LYSMD4: variants seen among roughly 807,000 people sequenced by gnomAD.
LYSMD4 encodes the protein LysM domain containing 4.
A neutral mutation model predicts 6.1 loss-of-function variants in LYSMD4; 9 were observed. The ratio of observed to expected loss-of-function variants is 1.47; its 90% CI spans 0.88 to 2.56. The LOEUF is 2.56. Among genes scored for constraint, LYSMD4 ranks in the 30% most tolerant of loss-of-function variants. LYSMD4 has a pLI of 0.00. For missense variants in LYSMD4, 384 were observed against 373.5 expected (o/e 1.03, Z -0.23); for synonymous variants, 143 against 148.5 (o/e 0.96, Z 0.27).
At chr15:99,722,266 G>A (rs1291572407), upstream of LYSMD4, among the ~76,000 whole-genome samples, 1 of 152,130 alleles carries the variant, frequency 6.6e-6, no homozygotes, top group Non-Finnish European at 1.5e-5. Context: ...TCTTAAAAAG[G>A]CATCACCACA....
chr15:99,729,420 C>G lies in LYSMD4; in HGVS notation c.594G>C (p.Gln198His). 1 of 1,614,200 alleles carries G rather than the reference C, an allele frequency of 6.2e-7. No individual in the cohort carries two copies. The highest frequency in any genetic ancestry group is 8.5e-7 in the Non-Finnish European group (1 of 1,180,044). The change falls in exon 3 of 3, where the codon CAG (glutamine) becomes CAC (histidine). Residue 198 changes from glutamine (Q) to histidine (H), a missense_variant. Transcript: ENST00000684762. The part of the protein sequence containing the change: ...HESYCMDTSH[Q>H]PLLPAPPKTP... ...TCTTCGGAGGTGCCGGGAGCAGTGG[C>G]TGATGGGAGGTGTCCATGCAGTAAC...
At chr15:99,716,446 C>T in exon 1 of LYSMD4, 1 of 455,010 alleles carries the variant, frequency 2.2e-6, no homozygotes. Flanking sequence ...AACTGTTTGT[C>T]TCCCGCACTC....
chr15:99,729,442 T>A lies in LYSMD4; in HGVS notation c.572A>T (p.Tyr191Phe). 1 of 1,614,222 alleles carries A rather than the reference T, an allele frequency of 6.2e-7. No homozygotes were observed. The highest frequency in any genetic ancestry group is 8.5e-7 in the Non-Finnish European group (1 of 1,180,044). The stretch of plus-strand genomic sequence containing the variant: ...TGGCTGATGGGAGGTGTCCATGCAG[T>A]AACTTTCATGTAGAAAGATTTCTGA... ...VQSEIFLHES[Y>F]CMDTSHQPLL... is the part of the protein sequence containing the mutation. The change falls in exon 3 of 3, where the codon TAC (tyrosine) becomes TTC (phenylalanine). Residue 191 changes from tyrosine (Y) to phenylalanine (F), a missense_variant. Transcript: ENST00000684762.
exon 2 of LYSMD4, chr15:99,716,527 G>GCTGGCTTTGCCACCAGGCAGCCCCTTCCC (rs2059168790): frequency 2.2e-6 from 1 of 456,674 alleles, no homozygotes. Flanking sequence ...GACACAAGGC[G>GCTGGCTTTGCCACCAGGCAGCCCCTTCCC]CTGGCTTTGC....
chr15:99,729,309 A>T lies in LYSMD4; in HGVS notation c.705T>A (p.Phe235Leu), dbSNP rs572309722. Residue 235 changes from phenylalanine (F) to leucine (L), a missense_variant, in exon 3 of 3, where the codon TTT becomes TTA. Physicochemically the swap from Phe to Leu is conservative, Grantham distance 22 (BLOSUM62 0). Transcript: ENST00000684762. ...CTTGTATTTTAAAGTAGACCAAATA[A>T]AAGACAGGCAAGACAATACCAATCA... ...MLLIGIVLPVFYLVYFKIQAS... is the reference protein window; with the variant it reads ...MLLIGIVLPVLYLVYFKIQAS... 3 of 1,614,186 alleles carry T rather than the reference A, an allele frequency of 1.9e-6. No homozygotes were observed. The East Asian group carries it at 6.7e-5, about 36-fold the overall frequency.
chr15:99,731,615 C>G (rs987388246), intron 2 of LYSMD4, 103 bp downstream of exon 2: 1 of 1,522,414 alleles, frequency 6.6e-7, no homozygotes, highest in Non-Finnish European at 8.8e-7. Flanking sequence ...CCTCTCCTGA[C>G]GGCCTGGCAG....
At chr15:99,731,440 G>A in intron 2 of LYSMD4, 1 of 1,606,252 alleles carries the variant, frequency 6.2e-7, no homozygotes, top group Non-Finnish European at 8.5e-7. Flanking sequence ...GAAGAAAAAA[G>A]GTTTCAGAAT....
chr15:99,719,472 G>C (rs901478058), upstream of LYSMD4, among the ~76,000 whole-genome samples: 18 of 152,246 alleles, frequency 1.2e-4, 1 homozygote, highest in East Asian at 3.5e-3. Flanking sequence ...CCCGCCCCTA[G>C]AGACAACTAG....
chr15:99,726,042 G>A (rs115588335), downstream of LYSMD4, among the ~76,000 whole-genome samples: 1,847 of 151,656 alleles, frequency 0.012, 48 homozygotes, highest in African/African-American at 0.042. Flanking sequence ...TTATATGATT[G>A]TTGTTGCTCC....
intron 1 of LYSMD4, 71 bp from the exon 2 acceptor site, chr15:99,732,078 A>G: frequency 6.9e-7 from 1 of 1,447,682 alleles, no homozygotes; most frequent in East Asian, 2.5e-5. Flanking sequence ...TTTAAAGAGA[A>G]GTGTCTTGTT....
At chr15:99,717,458 C>A (rs1480690162) in exon 1 of LYSMD4, 1 of 152,122 alleles carries the variant, frequency 6.6e-6, no homozygotes, top group African/African-American at 2.4e-5. Context: ...GGTTGTAAAA[C>A]TGAGAGGAAG....
At chr15:99,719,336 A>G (rs1179945394), upstream of LYSMD4, among the ~76,000 whole-genome samples, 2 of 151,952 alleles carry the variant, frequency 1.3e-5, no homozygotes, top group African/African-American at 4.8e-5. Flanking sequence ...GGTTTTAATG[A>G]TTTATTTTGA....
chr15:99,732,156 T>G, intron 1 of LYSMD4, 149 bp from the exon 2 acceptor site: 1 of 843,398 alleles, frequency 1.2e-6, no homozygotes, highest in Non-Finnish European at 1.8e-6. Flanking sequence ...AAAAAGAATG[T>G]GCTTATGCTG....
At chr15:99,718,924 C>T (rs572650877), upstream of LYSMD4, among the ~76,000 whole-genome samples, 166 of 147,424 alleles carry the variant, frequency 1.1e-3, no homozygotes, top group Non-Finnish European at 2.2e-3. Context: ...CACACACACA[C>T]ACACACACAC....
chr15:99,730,792 T>C lies in LYSMD4; in HGVS notation c.282+926A>G, dbSNP rs140402786. On this transcript the variant is annotated intron_variant, in intron 2 of 2. Transcript: ENST00000684762. ...TTCTTTACGGATTTAGACATCACCATACCAAGAAGCCTACTCCATCTATTC... is the reference window on the plus strand; with the variant it reads ...TTCTTTACGGATTTAGACATCACCACACCAAGAAGCCTACTCCATCTATTC... Among the ~76,000 whole-genome samples the C allele has an allele frequency of 6.6e-3, 1,004 of 152,346 alleles. 15 individuals are homozygous for C. The highest frequency in any genetic ancestry group is 0.023 in the African/African-American group (943 of 41,590).
chr15:99,726,168 T>TTTTTTC (rs60862713), downstream of LYSMD4, among the ~76,000 whole-genome samples: 24 of 146,246 alleles, frequency 1.6e-4, no homozygotes, highest in African/African-American at 4.3e-4. Flanking sequence ...TTTTTTTTTT[T>TTTTTTC]CCCGCCTGAG....
At chr15:99,715,762 TTAAAG>T (rs1213276675) in exon 1 of LYSMD4, 1 of 152,212 alleles carries the variant, frequency 6.6e-6, no homozygotes, top group Non-Finnish European at 1.5e-5. Context: ...ATTGCACTGG[TTAAAG>T]TACAGTTTCC....
At chr15:99,729,904 G>GT (rs1348633590) in intron 2 of LYSMD4, among the ~76,000 whole-genome samples, 173 bp from the exon 3 acceptor site, 2 of 152,076 alleles carry the variant, frequency 1.3e-5, no homozygotes, top group African/African-American at 2.4e-5. Flanking sequence ...CTGAAATTTT[G>GT]TTTTTTTGGC....
Position 99,716,654 on chromosome 15 carries a change from G to A in LYSMD4, c.144C>T (p.Gly48=), listed in dbSNP as rs1214206387. The A allele has an allele frequency of 2.4e-5, 11 of 456,552 alleles. No individual in the cohort carries two copies. The East Asian group carries it at 4.9e-4, about 20-fold the overall frequency. 28.3% of individuals were successfully genotyped at this position (456,552 alleles called of 1,614,324 possible). ...ACAGGGTCAAGGAAACCGTCCCAAC[G>A]CCCCCACTGGCCTCCCCCTTGTCGG... Residue 48 remains glycine (G), a synonymous_variant, in exon 1 of 1, where the codon GGC becomes GGT. Transcript: ENST00000378904.
Sources: allele counts gnomAD v4.1 joint callset (sites outside exome capture counted in the v4.1 genomes callset), GRCh38; gene constraint gnomAD v4.1.1; transcripts MANE v1.5; gene names NCBI Gene and HGNC (gene_info 2026-07-23, HGNC 2026-07-21).